Variants in METTL15 observed in about 807,000 individuals in gnomAD.
METTL15 encodes the protein 12S rRNA N(4)-cytidine methyltransferase METTL15.
METTL15 carries 34 observed loss-of-function variants against 38.3 expected under a neutral mutation model. The observed-to-expected ratio is 0.89, with a 90% CI of 0.68 to 1.18. The LOEUF (loss-of-function observed/expected upper bound fraction) is 1.18. Among genes scored for constraint, METTL15 ranks in the 50% most tolerant of loss-of-function variants. The pLI is 0.00. For missense variants in METTL15, 438 were observed against 498.4 expected (o/e 0.88, Z 1.15); for synonymous variants, 162 against 170.9 (o/e 0.95, Z 0.41).
At position 28,444,342 on chromosome 11, in the gene METTL15, C is replaced by T. The variant is rs545746121; in HGVS notation, c.*424+19978C>T. On this transcript the variant is annotated intron_variant and NMD_transcript_variant, in intron 6 of 7. Coordinates refer to the METTL15 transcript ENST00000532947. ...AACAACAAAATCATTTATATTTTTT[C>T]CTAAATAGATTGAATTTTATTTACA... 3.3e-5 allele frequency among the ~76,000 whole-genome samples: 5 copies of T among 152,074 alleles called. No homozygotes were observed. In the East Asian group the frequency reaches 7.7e-4, roughly 23 times the overall value.
chr11:28,403,005 G>T (rs192210642), intron 5 of METTL15, among the ~76,000 whole-genome samples: 246 of 152,092 alleles, frequency 1.6e-3, no homozygotes, highest in Non-Finnish European at 2.8e-3. Context: ...CAAAGGAAAA[G>T]AAATCATTGT....
intron 4 of METTL15, among the ~76,000 whole-genome samples, chr11:28,252,514 A>G (rs1565203004): frequency 6.6e-6 from 1 of 152,122 alleles, no homozygotes; most frequent in African/African-American, 2.4e-5. Context: ...TCCTACCTGT[A>G]TCTGTATGAG....
At chr11:28,249,888 C>T (rs1162193852) in intron 4 of METTL15, among the ~76,000 whole-genome samples, 1 of 151,974 alleles carries the variant, frequency 6.6e-6, no homozygotes, top group Admixed American at 6.6e-5. Flanking sequence ...TACCCTCCAC[C>T]CTCAAGTAGG....
intron 5 of METTL15, among the ~76,000 whole-genome samples, chr11:28,291,297 C>T (rs1590273412): frequency 6.6e-6 from 1 of 152,204 alleles, no homozygotes; most frequent in Middle Eastern, 3.4e-3. Flanking sequence ...CCACTTGCCT[C>T]AGCCTCCCAA....
intron 3 of METTL15, among the ~76,000 whole-genome samples, chr11:28,117,214 C>T (rs1036350322): frequency 9.6e-5 from 13 of 134,808 alleles, no homozygotes; most frequent in African/African-American, 2.8e-4. Flanking sequence ...TATATACATA[C>T]ATATATACAC....
At chr11:28,380,134 A>C (rs1322618763) in intron 5 of METTL15, among the ~76,000 whole-genome samples, 1 of 149,288 alleles carries the variant, frequency 6.7e-6, no homozygotes, top group Non-Finnish European at 1.5e-5. Context: ...ACATATAGTT[A>C]GATCTTGTTC....
intron 6 of METTL15, among the ~76,000 whole-genome samples, chr11:28,326,562 G>A (rs575805950): frequency 1.3e-5 from 2 of 151,210 alleles, no homozygotes; most frequent in East Asian, 1.9e-4. Flanking sequence ...TTCCATTATC[G>A]CGTGCCATTT....
At chr11:28,218,255 C>T (rs1853002553) in intron 4 of METTL15, among the ~76,000 whole-genome samples, 1 of 152,100 alleles carries the variant, frequency 6.6e-6, no homozygotes, top group Admixed American at 6.6e-5. Context: ...TTGTAGTTGT[C>T]CTGGAAGAAG....
At chr11:28,183,254 T>C (rs576750930) in intron 3 of METTL15, among the ~76,000 whole-genome samples, 2 of 152,202 alleles carry the variant, frequency 1.3e-5, no homozygotes, top group South Asian at 2.1e-4. Flanking sequence ...TTTGTTTCTT[T>C]CTCCTGCCTG....
intron 4 of METTL15, chr11:28,287,362 AT>A: frequency 3.2e-6 from 1 of 313,420 alleles, no homozygotes; most frequent in Non-Finnish European, 6.3e-6. Context: ...TTATTCTGCC[AT>A]TTTTCTAGAT....
downstream of METTL15, among the ~76,000 whole-genome samples, chr11:28,338,441 T>G (rs540447295): frequency 4.6e-5 from 7 of 152,270 alleles, no homozygotes; most frequent in South Asian, 1.5e-3. Flanking sequence ...TGATCATGTT[T>G]ATCCTTCCAT....
At chr11:28,512,111 C>T (rs1281631043) in intron 6 of METTL15, among the ~76,000 whole-genome samples, 1 of 152,178 alleles carries the variant, frequency 6.6e-6, no homozygotes, top group African/African-American at 2.4e-5. Context: ...TTCTCCACCT[C>T]CCCACTAGAT....
chr11:28,518,925 A>G (rs1256159850), intron 6 of METTL15, among the ~76,000 whole-genome samples: 1 of 152,236 alleles, frequency 6.6e-6, no homozygotes, highest in Non-Finnish European at 1.5e-5. Context: ...AAGCTTGCTG[A>G]AATTCTGGGA....
At chr11:28,481,366 C>G (rs1340286718) in intron 6 of METTL15, among the ~76,000 whole-genome samples, 1 of 152,168 alleles carries the variant, frequency 6.6e-6, no homozygotes, top group Non-Finnish European at 1.5e-5. Flanking sequence ...CCATAGGAAA[C>G]AAATACACCT....
intron 6 of METTL15, among the ~76,000 whole-genome samples, chr11:28,461,692 G>A (rs1447813167): frequency 6.6e-6 from 1 of 151,988 alleles, no homozygotes; most frequent in African/African-American, 2.4e-5. Flanking sequence ...CTTCTCATCA[G>A]TTATTAATTC....
chr11:28,278,027 G>A (rs1029189766), intron 4 of METTL15, among the ~76,000 whole-genome samples: 21 of 152,110 alleles, frequency 1.4e-4, no homozygotes, highest in African/African-American at 5.1e-4. Flanking sequence ...TCTGGTGCTG[G>A]ACACCCTAAA....
At chr11:28,393,405 C>T (rs545631237) in intron 5 of METTL15, among the ~76,000 whole-genome samples, 1 of 152,154 alleles carries the variant, frequency 6.6e-6, no homozygotes, top group South Asian at 2.1e-4. Flanking sequence ...AAATGATAAT[C>T]ATTTATTATT....
intron 6 of METTL15, among the ~76,000 whole-genome samples, chr11:28,325,083 T>C (rs1430562891): frequency 6.6e-6 from 1 of 152,170 alleles, no homozygotes; most frequent in African/African-American, 2.4e-5. Context: ...TCTCTCTGTC[T>C]GCAAAGATGG....
chr11:28,450,790 G>A (rs1038139595), intron 6 of METTL15, among the ~76,000 whole-genome samples: 90 of 152,280 alleles, frequency 5.9e-4, no homozygotes, highest in African/African-American at 2.1e-3. Context: ...AAAGGCAATC[G>A]TAATCCTGAA....
Sources: allele counts gnomAD v4.1 joint callset (sites outside exome capture counted in the v4.1 genomes callset), GRCh38; gene constraint gnomAD v4.1.1; transcripts MANE v1.5; gene names NCBI Gene and HGNC (gene_info 2026-07-23, HGNC 2026-07-21).